CDON: variants seen among roughly 807,000 people sequenced by gnomAD.
CDON encodes the protein cell adhesion associated, oncogene regulated.
CDON carries 73 observed loss-of-function variants against 120.9 expected under a neutral mutation model. That is an observed-to-expected ratio of 0.60 (90% CI 0.50 to 0.73). CDON has a LOEUF of 0.73. CDON is among the 30% of genes least tolerant of loss of function. The pLI is 0.00. For missense variants in CDON, 1,470 were observed against 1,587.3 expected (o/e 0.93, Z 1.26); for synonymous variants, 566 against 573.5 (o/e 0.99, Z 0.19).
intron 3 of CDON, among the ~76,000 whole-genome samples, chr11:126,020,968 G>A (rs981573301): frequency 6.7e-6 from 1 of 148,740 alleles, no homozygotes; most frequent in Non-Finnish European, 1.5e-5. Flanking sequence ...GTCCTTCCCT[G>A]GCAAAGCTGC....
chr11:125,980,702 G>A (rs1053915608), intron 17 of CDON, among the ~76,000 whole-genome samples: 3 of 151,962 alleles, frequency 2.0e-5, no homozygotes, highest in Non-Finnish European at 2.9e-5. Context: ...GACTCTTTTC[G>A]GCATTTGCAT....
chr11:126,011,790 T>A (rs766749009), intron 7 of CDON, among the ~76,000 whole-genome samples: 117 of 152,244 alleles, frequency 7.7e-4, no homozygotes, highest in Admixed American at 7.7e-3. Flanking sequence ...AGATCATACA[T>A]TCTTCAATGT....
At chr11:126,026,206 T>C (rs76038012) in intron 1 of CDON, among the ~76,000 whole-genome samples, 11,783 of 152,316 alleles carry the variant, frequency 0.077, 589 homozygotes, top group East Asian at 0.12. Context: ...CTAGCTATAT[T>C]GTTTATTCCT....
intron 1 of CDON, among the ~76,000 whole-genome samples, chr11:126,051,628 G>A (rs957641794): frequency 2.0e-5 from 3 of 150,902 alleles, no homozygotes; most frequent in Non-Finnish European, 2.9e-5. Flanking sequence ...AGACCTAATC[G>A]CTATAACAAT....
At chr11:126,002,078 T>C (rs1293816484) in intron 10 of CDON, among the ~76,000 whole-genome samples, 2 of 152,172 alleles carry the variant, frequency 1.3e-5, no homozygotes, top group African/African-American at 4.8e-5. Context: ...AAAATGTCTT[T>C]CTTCATTCTA....
intron 1 of CDON, among the ~76,000 whole-genome samples, chr11:126,033,258 T>C (rs1947995589): frequency 6.6e-6 from 1 of 152,034 alleles, no homozygotes; most frequent in African/African-American, 2.4e-5. Flanking sequence ...GTAGAGGGAA[T>C]GGAGAGCGTC....
chr11:126,018,264 A>C, intron 5 of CDON, 66 bp downstream of exon 5: 1 of 1,506,958 alleles, frequency 6.6e-7, no homozygotes. Context: ...AAAATGAACT[A>C]TCATTGCCCA....
At position 125,961,121 on chromosome 11, in the gene CDON, G is replaced by T; in HGVS notation, c.3632-16C>A. The stretch of plus-strand genomic sequence containing the variant: ...CAGCTGTCTCCTGAAACACAGCAGG[G>T]TTTGGGAGCATTATCAAATGATAAA... On this transcript the variant is annotated splice_polypyrimidine_tract_variant and intron_variant, in intron 19 of 19. Coordinates refer to ENST00000531738, the MANE Select transcript of CDON (RefSeq NM_001378964.1). 1 of 1,612,248 alleles carries T rather than the reference G, an allele frequency of 6.2e-7. No individual in the cohort carries two copies. The highest frequency in any genetic ancestry group is 8.5e-7 in the Non-Finnish European group (1 of 1,178,612).
At chr11:126,038,875 T>C (rs1054718865) in intron 1 of CDON, among the ~76,000 whole-genome samples, 1 of 152,202 alleles carries the variant, frequency 6.6e-6, no homozygotes, top group Admixed American at 6.5e-5. Flanking sequence ...AGAAATAATT[T>C]TGTTGATTTA....
At position 126,006,032 on chromosome 11, in the gene CDON, T is replaced by C; in HGVS notation, c.1578A>G (p.Ala526=). Residue 526 remains alanine (A), a synonymous_variant, in exon 9 of 20, where the codon GCA becomes GCG. Transcript: ENST00000531738. ...MVVPFETNTK[A]ETVTLPDAAQ... is the part of the protein sequence containing the mutation. ...CAGCATCAGGAAGTGTGACTGTCTC[T>C]GCTTTTGTATTTGTTTCAAAAGGAA... The C allele has an allele frequency of 1.2e-6, 2 of 1,614,074 alleles. No individual in the cohort carries two copies. The highest frequency in any genetic ancestry group is 2.2e-5 in the South Asian group (2 of 91,086).
chr11:126,025,746 C>T (rs1475361763), intron 1 of CDON, among the ~76,000 whole-genome samples: 7 of 151,898 alleles, frequency 4.6e-5, no homozygotes, highest in African/African-American at 1.5e-4. Context: ...GAATGCTTAT[C>T]ATATGCTAAG....
rs545741441 is a variant in CDON at position 125,982,573 on chromosome 11, G to A, written c.2996-1244C>T. Among the ~76,000 whole-genome samples, 317 of 152,256 alleles carry A rather than the reference G, an allele frequency of 2.1e-3. 1 individual carries two copies. The highest frequency in any genetic ancestry group is 3.7e-3 in the Non-Finnish European group (254 of 68,014). ...AAGCTACACACTTTGAGAGGGCAGA[G>A]GTGGTGTTTATTTTATTTACCATTA... On this transcript the variant is annotated intron_variant, in intron 16 of 19. Coordinates refer to ENST00000531738, the MANE Select transcript of CDON (RefSeq NM_001378964.1).
chr11:126,054,511 G>A (rs1165613555), intron 1 of CDON, among the ~76,000 whole-genome samples: 1 of 152,136 alleles, frequency 6.6e-6, no homozygotes, highest in Non-Finnish European at 1.5e-5. Context: ...ATCACTCCCT[G>A]AACTTGAGAG....
intron 18 of CDON, among the ~76,000 whole-genome samples, chr11:125,965,384 C>A (rs1186680722): frequency 6.6e-6 from 1 of 152,136 alleles, no homozygotes; most frequent in Non-Finnish European, 1.5e-5. Context: ...TACCAAAGTA[C>A]TCGAGGGGCT....
chr11:126,015,368 T>C lies in CDON; in HGVS notation c.1071A>G (p.Arg357=). 6.2e-7 allele frequency: 1 copy of C among 1,614,168 alleles called. No individual in the cohort carries two copies. The highest frequency in any genetic ancestry group is 8.5e-7 in the Non-Finnish European group (1 of 1,180,024). Residue 357 remains arginine (R), a synonymous_variant, in exon 7 of 20, where the codon CGA becomes CGG. Coordinates refer to ENST00000531738, the MANE Select transcript of CDON (RefSeq NM_001378964.1). ...TCAGTCCGTTTCCTGCAGTTAGATG[T>C]CGTGCAGAAGGATGAATAGGCTGTG... ...HNAQPIHPSA[R]HLTAGNGLKI...
In CDON at chr11:126,017,140, C is replaced by T. The variant is rs540269662; in HGVS notation, c.876G>A (p.Ala292=). 16 of 1,613,966 alleles carry T rather than the reference C, an allele frequency of 9.9e-6. No homozygotes were observed. The highest frequency in any genetic ancestry group is 7.7e-5 in the South Asian group (7 of 91,062). The part of the protein sequence containing the change: ...PADSGNYSCM[A]GNKSGDVKYV... ...ATTTTACATCTCCAGACTTGTTTCC[C>T]GCCATGCAGGAATAGTTTCCGGAGT... Residue 292 remains alanine, a synonymous_variant, in exon 6 of 20, where the codon GCG becomes GCA. Coordinates refer to ENST00000531738, the MANE Select transcript of CDON (RefSeq NM_001378964.1).
At chr11:126,032,759 C>A (rs981289343) in intron 1 of CDON, among the ~76,000 whole-genome samples, 2 of 152,172 alleles carry the variant, frequency 1.3e-5, no homozygotes, top group African/African-American at 4.8e-5. Flanking sequence ...ATAATCCCAG[C>A]ACTTTGGGAG....
At chr11:125,979,041 T>G (rs986381632) in intron 17 of CDON, among the ~76,000 whole-genome samples, 6 of 152,200 alleles carry the variant, frequency 3.9e-5, no homozygotes, top group African/African-American at 1.2e-4. Context: ...TTGTAAAATG[T>G]TCACTTGACA....
chr11:126,005,447 TAGAG>T (rs1320991306), intron 9 of CDON: 1 of 370,990 alleles, frequency 2.7e-6, no homozygotes, highest in Non-Finnish European at 5.0e-6. Flanking sequence ...TCTACTACCT[TAGAG>T]AGGGAAGGAA....
Sources: allele counts gnomAD v4.1 joint callset (sites outside exome capture counted in the v4.1 genomes callset), GRCh38; gene constraint gnomAD v4.1.1; transcripts MANE v1.5; gene names NCBI Gene and HGNC (gene_info 2026-07-23, HGNC 2026-07-21).